ASIC2: variants seen among roughly 807,000 people sequenced by gnomAD.
The protein encoded by ASIC2 is acid-sensing ion channel 2.
In ASIC2, 25 loss-of-function variants were observed where a neutral mutation model predicts 57.3. That is an observed-to-expected ratio of 0.44 (90% CI 0.32 to 0.61). The LOEUF (loss-of-function observed/expected upper bound fraction) is 0.61. ASIC2 is among the 20% of genes least tolerant of loss of function. The pLI, the probability that ASIC2 is intolerant of heterozygous loss-of-function variation, is 0.06. For synonymous variants in ASIC2, 319 were observed against 307.5 expected, an observed-to-expected ratio of 1.04 and a Z score of -0.39; for missense variants, 641 against 738.1, an observed-to-expected ratio of 0.87 and a Z score of 1.52.
intron 1 of ASIC2, chr17:34,038,351 T>C: frequency 3.7e-6 from 6 of 1,610,776 alleles, no homozygotes; most frequent in Non-Finnish European, 5.1e-6. Flanking sequence ...AAAGTAATCA[T>C]ACAGCTTAAC....
At chr17:33,486,553 T>C (rs536232132) in intron 1 of ASIC2, among the ~76,000 whole-genome samples, 2 of 152,318 alleles carry the variant, frequency 1.3e-5, no homozygotes, top group East Asian at 3.9e-4. Flanking sequence ...ACTTCATCAG[T>C]GCTTGTTGGG....
chr17:33,310,672 T>C (rs1027685180), intron 1 of ASIC2, among the ~76,000 whole-genome samples: 2 of 152,218 alleles, frequency 1.3e-5, no homozygotes, highest in South Asian at 2.1e-4. Flanking sequence ...TCTTTTAATG[T>C]TTTTTCTAGA....
upstream of ASIC2, among the ~76,000 whole-genome samples, chr17:33,296,081 C>A (rs1053565439): frequency 6.6e-6 from 1 of 152,142 alleles, no homozygotes; most frequent in Non-Finnish European, 1.5e-5. Flanking sequence ...CTCCATCATA[C>A]TTCCTTACAA....
chr17:33,582,229 G>C (rs1383548947), intron 1 of ASIC2, among the ~76,000 whole-genome samples: 1 of 152,212 alleles, frequency 6.6e-6, no homozygotes. Context: ...TGCGTTGTGA[G>C]CACCTGGAGG....
intron 1 of ASIC2, among the ~76,000 whole-genome samples, chr17:33,699,509 G>A (rs16968765): frequency 0.17 from 25,115 of 152,084 alleles, 2,242 homozygotes; most frequent in African/African-American, 0.24. Flanking sequence ...CATGACTTTC[G>A]CAGCCACATG....
intron 1 of ASIC2, among the ~76,000 whole-genome samples, chr17:33,757,896 G>A (rs762117120): frequency 6.6e-6 from 1 of 152,172 alleles, no homozygotes; most frequent in Non-Finnish European, 1.5e-5. Context: ...CTCAGAGGCC[G>A]ACAGTGCTCT....
At chr17:33,687,256 G>C (rs542759443) in intron 1 of ASIC2, among the ~76,000 whole-genome samples, 1 of 152,160 alleles carries the variant, frequency 6.6e-6, no homozygotes, top group Non-Finnish European at 1.5e-5. Context: ...ACGGAGTGGC[G>C]TCAGTACCAG....
rs1014044641 is a variant in ASIC2 at position 34,079,442 on chromosome 17, T to A, written c.555+76536A>T. ...TTTAAGTCTCTGCTCTAGGACTATA[T>A]CCTTTCAGGGAAGGCTTCTCAACCT... On this transcript the variant is annotated intron_variant, in intron 1 of 9. Transcript: ENST00000359872. Among the ~76,000 whole-genome samples, 3 of 152,220 alleles carry A rather than the reference T, an allele frequency of 2.0e-5. No homozygotes were observed. In the South Asian group the frequency reaches 6.2e-4, roughly 32 times the overall value.
chr17:33,604,505 G>T (rs957998442), intron 1 of ASIC2, among the ~76,000 whole-genome samples: 9 of 152,306 alleles, frequency 5.9e-5, no homozygotes, highest in African/African-American at 1.7e-4. Context: ...GTGCACAACG[G>T]TGGCATGGCA....
intron 1 of ASIC2, among the ~76,000 whole-genome samples, chr17:33,546,344 G>C (rs901891044): frequency 6.6e-6 from 1 of 151,970 alleles, no homozygotes; most frequent in Non-Finnish European, 1.5e-5. Context: ...ACACCTGCTT[G>C]TACCTTCGAT....
intron 1 of ASIC2, among the ~76,000 whole-genome samples, chr17:33,187,367 G>C (rs1159188920): frequency 6.6e-6 from 1 of 152,198 alleles, no homozygotes; most frequent in Non-Finnish European, 1.5e-5. Flanking sequence ...CAGGGAAAAT[G>C]CTTCCACAAT....
At chr17:33,803,163 A>C (rs1316716590) in intron 1 of ASIC2, among the ~76,000 whole-genome samples, 2 of 152,192 alleles carry the variant, frequency 1.3e-5, no homozygotes, top group Non-Finnish European at 2.9e-5. Flanking sequence ...TGGTAATTGC[A>C]TGAGGGAATT....
intron 1 of ASIC2, among the ~76,000 whole-genome samples, chr17:34,045,047 G>A (rs897481667): frequency 3.3e-5 from 5 of 152,192 alleles, no homozygotes; most frequent in Admixed American, 3.3e-4. Context: ...TCCTTCCATA[G>A]AGGGACGTGC....
chr17:33,603,274 A>G (rs2142011160), intron 1 of ASIC2, among the ~76,000 whole-genome samples: 1 of 152,258 alleles, frequency 6.6e-6, no homozygotes, highest in South Asian at 2.1e-4. Flanking sequence ...GGCTGCTTGT[A>G]TGGGTTTCCC....
At chr17:33,258,320 A>G (rs552695817) in intron 1 of ASIC2, among the ~76,000 whole-genome samples, 2 of 152,274 alleles carry the variant, frequency 1.3e-5, no homozygotes, top group African/African-American at 4.8e-5. Context: ...CATTCTACTG[A>G]GGGCTGGGTG....
chr17:33,422,363 G>A (rs570620750), intron 1 of ASIC2, among the ~76,000 whole-genome samples: 30 of 152,302 alleles, frequency 2.0e-4, no homozygotes, highest in Non-Finnish European at 3.1e-4. Flanking sequence ...CTCCACCCTG[G>A]GAAAGATAGA....
chr17:33,960,049 T>C (rs1260564571), intron 1 of ASIC2, among the ~76,000 whole-genome samples: 1 of 152,214 alleles, frequency 6.6e-6, no homozygotes, highest in African/African-American at 2.4e-5. Context: ...GCCTGACCCA[T>C]CAGCATAGTT....
intron 1 of ASIC2, among the ~76,000 whole-genome samples, chr17:33,853,795 A>G (rs928538019): frequency 2.6e-5 from 4 of 152,298 alleles, no homozygotes; most frequent in African/African-American, 7.2e-5. Context: ...CGCTGATTTG[A>G]TAAGTAAGAG....
At chr17:34,060,885 C>T (rs1175023641) in intron 1 of ASIC2, among the ~76,000 whole-genome samples, 1 of 151,966 alleles carries the variant, frequency 6.6e-6, no homozygotes, top group African/African-American at 2.4e-5. Context: ...ATCAGTGTTC[C>T]TGAGGAAGAA....
Sources: allele counts gnomAD v4.1 joint callset (sites outside exome capture counted in the v4.1 genomes callset), GRCh38; gene constraint gnomAD v4.1.1; transcripts MANE v1.5; gene names NCBI Gene and HGNC (gene_info 2026-07-23, HGNC 2026-07-21).